EIF4E3: variants seen among roughly 807,000 people sequenced by gnomAD.
EIF4E3 encodes the protein eukaryotic translation initiation factor 4E family member 3, also known as eukaryotic translation initiation factor 4E type 3.
A neutral mutation model predicts 31.7 loss-of-function variants in EIF4E3; 26 were observed. The ratio of observed to expected loss-of-function variants is 0.82; its 90% CI spans 0.60 to 1.14. EIF4E3 has a LOEUF of 1.14. Among genes scored for constraint, EIF4E3 ranks in the 50% most tolerant of loss-of-function variants. The pLI is 0.00. For synonymous variants in EIF4E3, 128 were observed against 107.7 expected (o/e 1.19, Z -1.17); for missense variants, 304 against 270.9 (o/e 1.12, Z -0.86).
At chr3:71,718,883 G>A (rs745420052) in intron 1 of EIF4E3, among the ~76,000 whole-genome samples, 2 of 152,318 alleles carry the variant, frequency 1.3e-5, no homozygotes, top group East Asian at 3.9e-4. Context: ...AGAGTTTACA[G>A]ATTCAGGAGG....
chr3:71,739,003 T>C (rs1472420594), intron 1 of EIF4E3, among the ~76,000 whole-genome samples: 1 of 140,350 alleles, frequency 7.1e-6, no homozygotes, highest in Admixed American at 6.9e-5. Flanking sequence ...TATATATATA[T>C]ATATGGGTTA....
At chr3:71,659,770 T>C in the EIF4E3 span, among the ~76,000 whole-genome samples, 3 of 152,206 alleles carry the variant, frequency 2.0e-5, no homozygotes, top group Non-Finnish European at 2.9e-5. Flanking sequence ...ATCCTGCTTC[T>C]CCATCAGGTA....
At chr3:71,660,237 T>C in the EIF4E3 span, among the ~76,000 whole-genome samples, 10,394 of 151,812 alleles carry the variant, frequency 0.068, 876 homozygotes, top group African/African-American at 0.2. Flanking sequence ...CTGAATCGGC[T>C]GGAGGGAAAA....
chr3:71,738,522 C>T (rs1302156739), intron 1 of EIF4E3, among the ~76,000 whole-genome samples: 1 of 151,950 alleles, frequency 6.6e-6, no homozygotes, highest in African/African-American at 2.4e-5. Context: ...ATATAAATAT[C>T]AAATAAAGCA....
chr3:71,691,363 A>G (rs746066916), intron 5 of EIF4E3, among the ~76,000 whole-genome samples: 1 of 152,258 alleles, frequency 6.6e-6, no homozygotes, highest in Non-Finnish European at 1.5e-5. Flanking sequence ...AATAATCGGC[A>G]GTAAAGTAAT....
rs2048917616 is a variant in EIF4E3, at chr3:71,681,163, C to A, written c.*3519G>T. The A allele has an allele frequency of 6.6e-6, 1 of 152,166 alleles. No homozygotes were observed. 9.4% of individuals were successfully genotyped at this position (152,166 alleles called of 1,614,324 possible). ...AGCTTTGACACATTTTTATTAGGTG[C>A]ATGAAAACTAAATGTCTTATTGCCA... On this transcript the variant is annotated 3_prime_UTR_variant, in exon 7 of 7. Coordinates refer to ENST00000425534, the MANE Select transcript of EIF4E3 (RefSeq NM_001134651.2).
intron 1 of EIF4E3, among the ~76,000 whole-genome samples, chr3:71,747,249 T>A (rs543815342): frequency 1.6e-4 from 24 of 152,314 alleles, no homozygotes; most frequent in Admixed American, 1.5e-3. Context: ...CCCACCAGCA[T>A]CATCTGAGGG....
intron 1 of EIF4E3, among the ~76,000 whole-genome samples, chr3:71,722,113 G>A (rs1371080719): frequency 6.6e-6 from 1 of 150,844 alleles, no homozygotes; most frequent in Non-Finnish European, 1.5e-5. Context: ...GGGGTGGGAG[G>A]TGGTTACAGA....
intron 1 of EIF4E3, among the ~76,000 whole-genome samples, chr3:71,717,399 A>G (rs1174945849): frequency 6.6e-6 from 1 of 152,234 alleles, no homozygotes; most frequent in East Asian, 1.9e-4. Context: ...GTCATCACCC[A>G]AAGACATCAA....
At chr3:71,712,688 T>A (rs1015955297) in intron 1 of EIF4E3, among the ~76,000 whole-genome samples, 4 of 152,012 alleles carry the variant, frequency 2.6e-5, no homozygotes, top group African/African-American at 9.7e-5. Flanking sequence ...TGCATTCTTT[T>A]TTCATTCAAA....
upstream of EIF4E3, chr3:71,754,741 G>A: frequency 5.0e-6 from 7 of 1,395,270 alleles, no homozygotes; most frequent in Non-Finnish European, 6.6e-6. The surrounding 1 kb of genome is among the most constrained non-coding windows in gnomAD (Gnocchi z 5.8). Flanking sequence ...ACCTTCCACG[G>A]CCCGGGCGCC....
At chr3:71,686,057 C>T (rs1441251714) in intron 6 of EIF4E3, among the ~76,000 whole-genome samples, 2 of 152,184 alleles carry the variant, frequency 1.3e-5, no homozygotes, top group African/African-American at 4.8e-5. Flanking sequence ...TGCTACTCGG[C>T]TCACTGCAGC....
chr3:71,671,428 A>AG (rs1295867584), downstream of EIF4E3, among the ~76,000 whole-genome samples: 1 of 151,970 alleles, frequency 6.6e-6, no homozygotes, highest in East Asian at 1.9e-4. Flanking sequence ...AGCCGCTCGC[A>AG]GGGGGAGGGC....
At chr3:71,697,188 A>T (rs1335266730) in intron 3 of EIF4E3, among the ~76,000 whole-genome samples, 1 of 151,778 alleles carries the variant, frequency 6.6e-6, no homozygotes, top group African/African-American at 2.4e-5. Context: ...GCTAATTTTT[A>T]AAATTTTTTT....
chr3:71,685,507 G>A (rs1213809990), intron 6 of EIF4E3, among the ~76,000 whole-genome samples: 4 of 152,058 alleles, frequency 2.6e-5, no homozygotes, highest in Non-Finnish European at 4.4e-5. Context: ...GGATACAGGC[G>A]TGTGCCACCA....
At chr3:71,732,979 T>C (rs1354860118) in intron 1 of EIF4E3, among the ~76,000 whole-genome samples, 1 of 152,212 alleles carries the variant, frequency 6.6e-6, no homozygotes, top group East Asian at 1.9e-4. Context: ...CAAAAAAAGG[T>C]CACCCAAGTG....
Sources: allele counts gnomAD v4.1 joint callset (sites outside exome capture counted in the v4.1 genomes callset), GRCh38; gene constraint gnomAD v4.1.1; non-coding constraint Gnocchi (gnomAD v3.1); transcripts MANE v1.5; gene names NCBI Gene and HGNC (gene_info 2026-07-23, HGNC 2026-07-21).